Variants in HDGFL3 observed in about 807,000 individuals in gnomAD.
HDGFL3 encodes the protein hepatoma-derived growth factor-related protein 3.
In HDGFL3, 6 loss-of-function variants were observed where a neutral mutation model predicts 27.6. That is an observed-to-expected ratio of 0.22 (90% CI 0.12 to 0.43). The LOEUF (loss-of-function observed/expected upper bound fraction) is 0.43. Ranked by LOEUF, HDGFL3 falls within the 20% of genes least tolerant of loss-of-function variation. HDGFL3 has a pLI of 1.00. For synonymous variants in HDGFL3, 88 were observed against 88.9 expected, an observed-to-expected ratio of 0.99 and a Z score of 0.05; for missense variants, 207 against 250.1, an observed-to-expected ratio of 0.83 and a Z score of 1.16.
intron 1 of HDGFL3, among the ~76,000 whole-genome samples, chr15:83,167,143 G>A (rs950659220): frequency 3.3e-5 from 5 of 152,140 alleles, no homozygotes; most frequent in African/African-American, 4.8e-5. Context: ...TAGATGTAAC[G>A]ACACCCATAA....
At chr15:83,168,824 G>T (rs775211539) in intron 1 of HDGFL3, among the ~76,000 whole-genome samples, 2 of 151,888 alleles carry the variant, frequency 1.3e-5, no homozygotes, top group Non-Finnish European at 2.9e-5. Context: ...CACAACAAAA[G>T]GAAAAAACTA....
chr15:83,172,425 C>T (rs2037257158), intron 1 of HDGFL3, among the ~76,000 whole-genome samples: 2 of 152,118 alleles, frequency 1.3e-5, no homozygotes, highest in African/African-American at 4.8e-5. Context: ...TTTTGACTCC[C>T]CCAAAACTTA....
downstream of HDGFL3, among the ~76,000 whole-genome samples, chr15:83,126,014 T>C (rs1357056130): frequency 2.6e-5 from 4 of 152,146 alleles, no homozygotes; most frequent in Admixed American, 6.5e-5. Context: ...CAACAAAAAA[T>C]AGTGGGCCCC....
chr15:83,164,223 T>A (rs2037135147), intron 1 of HDGFL3, 148 bp from the exon 2 acceptor site: 2 of 576,218 alleles, frequency 3.5e-6, no homozygotes, highest in Non-Finnish European at 5.9e-6. Flanking sequence ...CTAAAGTTCC[T>A]ATTTGGCCCA....
chr15:83,140,358 T>G (rs2036743422), intron 5 of HDGFL3, among the ~76,000 whole-genome samples: 1 of 152,080 alleles, frequency 6.6e-6, no homozygotes, highest in Non-Finnish European at 1.5e-5. Context: ...GACTCCTAAT[T>G]ATTTCTTAAC....
intron 4 of HDGFL3, among the ~76,000 whole-genome samples, chr15:83,153,441 G>C (rs2036989000): frequency 6.6e-6 from 1 of 152,150 alleles, no homozygotes; most frequent in Non-Finnish European, 1.5e-5. Flanking sequence ...GGGATATACA[G>C]AATAGAATTA....
chr15:83,136,141 T>C lies in HDGFL3; in HGVS notation c.*3129A>G, dbSNP rs926526127. The C allele has an allele frequency of 1.6e-5, 3 of 184,802 alleles. No individual in the cohort carries two copies. Among genetic ancestry groups the C allele is most frequent in the Non-Finnish European group, 2.2e-5 (2 of 90,374 alleles). The allele number at this position is 184,802 out of a possible 1,614,324, so 11.4% of individuals were successfully genotyped here. A position where few individuals can be genotyped will look rare whatever the true frequency, so the allele number is the denominator to read the frequency against. On this transcript the variant is annotated 3_prime_UTR_variant, in exon 6 of 6. Coordinates refer to ENST00000299633, the MANE Select transcript of HDGFL3 (RefSeq NM_016073.4). ...TCCAGAACGCAAATCAGAAAAAAATTTGAGATTTTATTCAGATTTTTCTAT... is the reference window on the plus strand; with the variant it reads ...TCCAGAACGCAAATCAGAAAAAAATCTGAGATTTTATTCAGATTTTTCTAT...
intron 1 of HDGFL3, among the ~76,000 whole-genome samples, chr15:83,176,861 A>G (rs1200322002): frequency 6.7e-6 from 1 of 150,088 alleles, no homozygotes; most frequent in Admixed American, 6.6e-5. Context: ...TCTTAAAAAA[A>G]AAAAGTACAA....
intron 5 of HDGFL3, among the ~76,000 whole-genome samples, chr15:83,143,163 C>T (rs2036815236): frequency 6.6e-6 from 1 of 152,042 alleles, no homozygotes; most frequent in Admixed American, 6.5e-5. Flanking sequence ...CGGGCACATG[C>T]CACCACGCCC....
chr15:83,113,246 C>A, exon 4 of HDGFL3: 1 of 374,232 alleles, frequency 2.7e-6, no homozygotes, highest in African/African-American at 2.0e-5. Flanking sequence ...GTCCCCCCCA[C>A]TTAGTGCAGA....
chr15:83,120,587 CTTTTTTTTTTT>C (rs993490763), intron 3 of HDGFL3, among the ~76,000 whole-genome samples: 1 of 125,958 alleles, frequency 7.9e-6, no homozygotes, highest in Non-Finnish European at 1.7e-5. Context: ...CCAGCTAATT[CTTTTTTTTTTT>C]TTTTTTTTTT....
In HDGFL3 at chr15:83,129,196, C is replaced by T. The variant is rs1362959149; in HGVS notation, c.*10074G>A. On this transcript the variant is annotated 3_prime_UTR_variant, in exon 6 of 6. Coordinates refer to ENST00000299633, the MANE Select transcript of HDGFL3 (RefSeq NM_016073.4). ...TTTTTTTCCAGCTCCGCTGCCCCTA[C>T]ACTAGTCTGAGCTCTCATTACCTTA... The T allele has an allele frequency of 6.6e-6, 1 of 152,218 alleles. No homozygotes were observed. The highest frequency in any genetic ancestry group is 6.5e-5 in the Admixed American group (1 of 15,280). 9.4% of individuals were successfully genotyped at this position (152,218 alleles called of 1,614,324 possible). A position where few individuals can be genotyped will look rare whatever the true frequency, so the allele number is the denominator to read the frequency against.
intron 3 of HDGFL3, 54 bp from the exon 4 acceptor site, chr15:83,157,627 C>T (rs1596551498): frequency 6.8e-7 from 1 of 1,475,138 alleles, no homozygotes; most frequent in Non-Finnish European, 9.4e-7. Context: ...TAGCAAAGAA[C>T]AAACACTGAA....
At chr15:83,155,863 G>A (rs2037022885) in intron 4 of HDGFL3, among the ~76,000 whole-genome samples, 1 of 152,102 alleles carries the variant, frequency 6.6e-6, no homozygotes, top group Non-Finnish European at 1.5e-5. Flanking sequence ...CCAATCTTTG[G>A]TCTTCAAGGA....
chr15:83,202,978 T>C (rs988524619), intron 1 of HDGFL3, among the ~76,000 whole-genome samples: 1 of 152,150 alleles, frequency 6.6e-6, no homozygotes, highest in African/African-American at 2.4e-5. Flanking sequence ...TCTTGTACAG[T>C]ATTTTGGTGA....
Position 83,133,992 on chromosome 15 carries a change from T to C in HDGFL3, c.*5278A>G, listed in dbSNP as rs2036442730. On this transcript the variant is annotated 3_prime_UTR_variant, in exon 6 of 6. Coordinates refer to ENST00000299633, the MANE Select transcript of HDGFL3 (RefSeq NM_016073.4). The stretch of plus-strand genomic sequence containing the variant: ...TTCTCTCACATACAAATGCCTCTTT[T>C]GATTATGAATGTTAAAATTTTTGTG... 1.3e-5 allele frequency: 2 copies of C among 152,236 alleles called. No individual in the cohort carries two copies. Among genetic ancestry groups the C allele is most frequent in the South Asian group, 4.1e-4 (2 of 4,834 alleles). 9.4% of individuals were successfully genotyped at this position (152,236 alleles called of 1,614,324 possible).
Position 83,129,193 on chromosome 15 carries a change from C to T in HDGFL3, c.*10077G>A, listed in dbSNP as rs1298143886. 6.6e-6 allele frequency: 1 copy of T among 152,198 alleles called. No homozygotes were observed. The highest frequency in any genetic ancestry group is 1.5e-5 in the Non-Finnish European group (1 of 68,048). The allele number at this position is 152,198 out of a possible 1,614,324, so 9.4% of individuals were successfully genotyped here. A position where few individuals can be genotyped will look rare whatever the true frequency, so the allele number is the denominator to read the frequency against. On this transcript the variant is annotated 3_prime_UTR_variant, in exon 6 of 6. Coordinates refer to ENST00000299633, the MANE Select transcript of HDGFL3 (RefSeq NM_016073.4). ...TTTTTTTTTTCCAGCTCCGCTGCCC[C>T]TACACTAGTCTGAGCTCTCATTACC...
intron 3 of HDGFL3, among the ~76,000 whole-genome samples, chr15:83,122,391 A>ATAGG (rs1240414463): frequency 6.6e-6 from 1 of 151,960 alleles, no homozygotes; most frequent in Non-Finnish European, 1.5e-5. Flanking sequence ...ATCAGGATAT[A>ATAGG]TAGGTAGATA....
intron 5 of HDGFL3, among the ~76,000 whole-genome samples, chr15:83,142,758 C>T: frequency 6.6e-6 from 1 of 151,988 alleles, no homozygotes; most frequent in East Asian, 1.9e-4. Flanking sequence ...ACCACAATTA[C>T]ATATTACAAT....
Sources: gnomAD v4.1 joint callset for allele counts (sites outside exome capture counted in the v4.1 genomes callset) on GRCh38, gnomAD v4.1.1 for gene constraint, MANE v1.5 for transcripts, NCBI Gene and HGNC (gene_info 2026-07-23, HGNC 2026-07-21) for gene names.